KIF26B: variants seen among roughly 807,000 people sequenced by gnomAD.
KIF26B encodes kinesin family member 26B, also known as kinesin-like protein KIF26B.
A neutral mutation model predicts 151.2 loss-of-function variants in KIF26B; 63 were observed. The observed-to-expected ratio is 0.42, with a 90% CI of 0.34 to 0.51. The LOEUF is 0.51. Among genes scored for constraint, KIF26B ranks in the 20% least tolerant of loss-of-function variants. KIF26B has a pLI of 0.07. For synonymous variants in KIF26B, 1,357 were observed against 1,262.1 expected (o/e 1.08, Z -1.59); for missense variants, 2,813 against 2,913.6 (o/e 0.97, Z 0.79).
chr1:245,203,284 A>G (rs977006412), intron 2 of KIF26B, among the ~76,000 whole-genome samples: 3 of 150,880 alleles, frequency 2.0e-5, no homozygotes, highest in Non-Finnish European at 4.4e-5. Context: ...GTTACAAGGA[A>G]GCTGATTTTG....
chr1:245,403,671 A>T (rs139795495), intron 3 of KIF26B, among the ~76,000 whole-genome samples: 1 of 151,166 alleles, frequency 6.6e-6, no homozygotes, highest in Non-Finnish European at 1.5e-5. Flanking sequence ...CTCTGGGGGA[A>T]AAAAACCTCT....
chr1:245,434,169 T>G (rs1272015779), intron 4 of KIF26B, among the ~76,000 whole-genome samples: 7 of 152,222 alleles, frequency 4.6e-5, no homozygotes, highest in Non-Finnish European at 1.0e-4. Context: ...CAGAATATTT[T>G]GTAACATGGC....
chr1:245,233,135 T>C (rs1183775357), intron 2 of KIF26B, among the ~76,000 whole-genome samples: 2 of 152,166 alleles, frequency 1.3e-5, no homozygotes, highest in African/African-American at 4.8e-5. Context: ...ACTGAGTAAA[T>C]GACAAACAAT....
At chr1:245,343,614 T>C (rs1023561705) in intron 2 of KIF26B, among the ~76,000 whole-genome samples, 1 of 152,214 alleles carries the variant, frequency 6.6e-6, no homozygotes, top group African/African-American at 2.4e-5. Flanking sequence ...AACGCAATTT[T>C]TCTTCTCATA....
Position 245,601,973 on chromosome 1 carries a change from G to A in KIF26B, c.1351-604G>A, listed in dbSNP as rs1196452909. Among the ~76,000 whole-genome samples, 2 of 152,280 alleles carry A rather than the reference G, an allele frequency of 1.3e-5. No homozygotes were observed. Among genetic ancestry groups the A allele is most frequent in the East Asian group, 1.9e-4 (1 of 5,184 alleles). ...GAGATGCACTTCCATTCTCTGAAAC[G>A]ACAACTTCTCTGCACTCGCTTAATG... On this transcript the variant is annotated intron_variant, in intron 5 of 14. Coordinates refer to ENST00000407071, the MANE Select transcript of KIF26B (RefSeq NM_018012.4). This position sits in a 1 kb window ranked among gnomAD's most constrained non-coding sequence, Gnocchi z 4.4.
At chr1:245,527,524 C>CTTTTTTTTT (rs548422038) in intron 4 of KIF26B, among the ~76,000 whole-genome samples, 1,164 of 50,730 alleles carry the variant, frequency 0.023, 351 homozygotes, top group South Asian at 0.034. Flanking sequence ...TTTGGGATGG[C>CTTTTTTTTT]TTTTTTTTTT....
chr1:245,522,300 G>A (rs561435911), intron 4 of KIF26B, among the ~76,000 whole-genome samples: 1 of 152,282 alleles, frequency 6.6e-6, no homozygotes, highest in South Asian at 2.1e-4. Flanking sequence ...AAATGATACT[G>A]CCTATGCCCA....
chr1:245,226,326 G>T (rs956621384), intron 2 of KIF26B, among the ~76,000 whole-genome samples: 5 of 152,172 alleles, frequency 3.3e-5, no homozygotes, highest in Non-Finnish European at 5.9e-5. Context: ...GCTGTGCATT[G>T]TCTTATTCCC....
At position 245,698,868 on chromosome 1, in the gene KIF26B, C is replaced by T; in HGVS notation, c.6028-19C>T. The T allele has an allele frequency of 1.9e-6, 3 of 1,609,426 alleles. No homozygotes were observed. The highest frequency in any genetic ancestry group is 4.5e-5 in the East Asian group (2 of 44,764). ...GGTGTGAGCAGAAGGGCCCTTTCTC[C>T]TCTCTGTCTGTGTGCTAGGAGGCCA... is the stretch of plus-strand genomic sequence containing the variant. On this transcript the variant is annotated intron_variant, in intron 13 of 14. Coordinates refer to ENST00000407071, the MANE Select transcript of KIF26B (RefSeq NM_018012.4). The surrounding 1 kb of genome is among the most constrained non-coding windows in gnomAD (Gnocchi z 4.0).
In KIF26B at chr1:245,686,771, G is replaced by C. The variant is rs759608439; in HGVS notation, c.3788G>C (p.Ser1263Thr). 6.2e-7 allele frequency: 1 copy of C among 1,613,378 alleles called. No individual in the cohort carries two copies. Among genetic ancestry groups the C allele is most frequent in the South Asian group, 1.1e-5 (1 of 91,050 alleles). ...ITQFLPLPKM[S>T]LDEKAQDAGS... Reference sequence around the variant, plus strand: ...CAGTTCTTGCCCCTCCCGAAGATGAGCCTGGATGAGAAGGCCCAGGACGCA... The same window carrying C: ...CAGTTCTTGCCCCTCCCGAAGATGACCCTGGATGAGAAGGCCCAGGACGCA... The change falls in exon 12 of 15, where the codon AGC becomes ACC. Residue 1263 changes from serine (S) to threonine (T), a missense_variant. Physicochemically the swap from Ser to Thr is moderately conservative, Grantham distance 58. Transcript: ENST00000407071. This position sits in a 1 kb window ranked among gnomAD's most constrained non-coding sequence, Gnocchi z 5.6.
chr1:245,385,286 T>C (rs757266815), intron 3 of KIF26B, among the ~76,000 whole-genome samples: 10 of 152,260 alleles, frequency 6.6e-5, no homozygotes, highest in Non-Finnish European at 1.3e-4. Context: ...TCCTAACAGC[T>C]AACTAATAGA....
intron 2 of KIF26B, among the ~76,000 whole-genome samples, chr1:245,175,712 C>T (rs956984162): frequency 1.3e-5 from 2 of 152,102 alleles, no homozygotes; most frequent in African/African-American, 2.4e-5. Flanking sequence ...TAATTCAAGT[C>T]ATATGATCTC....
chr1:245,235,423 C>T (rs1377627218), intron 2 of KIF26B, among the ~76,000 whole-genome samples: 1 of 151,464 alleles, frequency 6.6e-6, no homozygotes, highest in Non-Finnish European at 1.5e-5. Context: ...AAGATCCTTT[C>T]CTTAAAAAAA....
rs78331598 is a variant in KIF26B, at chr1:245,402,412, C to T, written c.1000-17167C>T. ...CCCACGCCTCTCATTCTCACTGCTG[C>T]CTTTTTATGTTTGACCCTTGGATGT... is the stretch of plus-strand genomic sequence containing the variant. On this transcript the variant is annotated intron_variant, in intron 3 of 14. Transcript: ENST00000407071. Among the ~76,000 whole-genome samples the T allele has an allele frequency of 8.4e-3, 1,283 of 152,260 alleles. 19 individuals are homozygous for T. The highest frequency in any genetic ancestry group is 0.028 in the African/African-American group (1,168 of 41,544).
At chr1:245,576,059 C>T (rs190281252) in intron 5 of KIF26B, among the ~76,000 whole-genome samples, 1 of 152,186 alleles carries the variant, frequency 6.6e-6, no homozygotes, top group Non-Finnish European at 1.5e-5. Context: ...GCATCAGGCT[C>T]TTCAGACCCT....
chr1:245,662,688 CAATATATATATAAACCCAATG>C (rs2044167120), intron 10 of KIF26B, among the ~76,000 whole-genome samples: 1 of 86,310 alleles, frequency 1.2e-5, no homozygotes, highest in Non-Finnish European at 2.4e-5. Context: ...CATATATATA[CAATATATATATAAACCCAATG>C]ATACATATAC....
chr1:245,346,066 G>A (rs759338539), intron 2 of KIF26B, among the ~76,000 whole-genome samples: 3 of 151,560 alleles, frequency 2.0e-5, no homozygotes, highest in East Asian at 3.9e-4. Context: ...CCGAGTAGCC[G>A]GGATTACAGG....
At chr1:245,615,934 C>T (rs867886019) in intron 9 of KIF26B, among the ~76,000 whole-genome samples, 6 of 152,182 alleles carry the variant, frequency 3.9e-5, no homozygotes, top group Admixed American at 6.5e-5. Context: ...GTAATAATCC[C>T]TGCGGACCTG....
intron 4 of KIF26B, among the ~76,000 whole-genome samples, chr1:245,477,612 G>C (rs899647168): frequency 6.6e-6 from 1 of 151,844 alleles, no homozygotes; most frequent in African/African-American, 2.4e-5. Context: ...AGAGGAAGTG[G>C]GGGAGCTGAA....
Sources: gnomAD v4.1 joint callset for allele counts (sites outside exome capture counted in the v4.1 genomes callset) on GRCh38, gnomAD v4.1.1 for gene constraint, Gnocchi (gnomAD v3.1) non-coding constraint, MANE v1.5 for transcripts, NCBI Gene and HGNC (gene_info 2026-07-23, HGNC 2026-07-21) for gene names.